Variants in MACROD2 observed in about 807,000 individuals in gnomAD.
MACROD2 encodes the protein mono-ADP ribosylhydrolase 2, also known as ADP-ribose glycohydrolase MACROD2.
Under a neutral mutation model 70.4 loss-of-function variants are expected in MACROD2, and 36 were observed. The observed-to-expected ratio is 0.51, with a 90% confidence interval of 0.39 to 0.68. MACROD2 has a LOEUF of 0.68. MACROD2 is among the 30% of genes least tolerant of loss of function. The pLI, the probability that MACROD2 is intolerant of heterozygous loss-of-function variation, is 0.00. For missense variants in MACROD2, 496 were observed against 538.4 expected, an observed-to-expected ratio of 0.92 and a Z score of 0.78; for synonymous variants, 172 against 178.8, an observed-to-expected ratio of 0.96 and a Z score of 0.30.
intron 8 of MACROD2, among the ~76,000 whole-genome samples, chr20:15,582,693 G>A (rs2048542036): frequency 6.6e-6 from 1 of 152,158 alleles, no homozygotes; most frequent in Non-Finnish European, 1.5e-5. Flanking sequence ...GTTCATGTAG[G>A]TAGTAGCCTT....
At chr20:15,850,308 G>A (rs1342357578) in intron 8 of MACROD2, among the ~76,000 whole-genome samples, 15 of 152,256 alleles carry the variant, frequency 9.9e-5, no homozygotes, top group South Asian at 4.1e-4. Flanking sequence ...ATCAACTCCC[G>A]TCAGTCTTTG....
intron 3 of MACROD2, among the ~76,000 whole-genome samples, chr20:14,144,469 G>A (rs536276317): frequency 5.8e-4 from 89 of 152,218 alleles, no homozygotes; most frequent in African/African-American, 2.0e-3. Context: ...CATATGGATT[G>A]ATTCACTTTT....
chr20:15,042,292 G>A (rs1235587168), intron 5 of MACROD2, among the ~76,000 whole-genome samples: 1 of 152,166 alleles, frequency 6.6e-6, no homozygotes, highest in Non-Finnish European at 1.5e-5. Flanking sequence ...GCCAAACAAG[G>A]CAGGAAAATG....
intron 5 of MACROD2, among the ~76,000 whole-genome samples, chr20:15,063,120 C>CA (rs2075545926): frequency 1.3e-5 from 2 of 151,976 alleles, no homozygotes; most frequent in African/African-American, 2.4e-5. Flanking sequence ...TTCATTCAGT[C>CA]AAAAAAGAGA....
At chr20:15,233,600 C>T (rs1195003277) in intron 6 of MACROD2, among the ~76,000 whole-genome samples, 1 of 151,960 alleles carries the variant, frequency 6.6e-6, no homozygotes, top group African/African-American at 2.4e-5. Flanking sequence ...AAATTCATTA[C>T]ATTTCTGTTC....
intron 3 of MACROD2, among the ~76,000 whole-genome samples, chr20:14,221,681 A>G (rs995360394): frequency 6.6e-6 from 1 of 152,216 alleles, no homozygotes; most frequent in African/African-American, 2.4e-5. Context: ...AGAAGTGATC[A>G]CCATAATGAA....
rs113154051 is a variant in MACROD2, at chr20:14,183,218, C to T, written c.271+97490C>T. 1.7e-3 allele frequency among the ~76,000 whole-genome samples: 257 copies of T among 151,604 alleles called. 1 individual carries two copies. The highest frequency in any genetic ancestry group is 5.9e-3 in the African/African-American group (243 of 41,366). On this transcript the variant is annotated intron_variant, in intron 3 of 17. Transcript: ENST00000684519. ...CTGATAGGCCCCAGTGTGTGTTGTT[C>T]CCCTCTATGGGTCCATATGTTCTCA...
At chr20:14,616,826 G>A (rs531821737) in intron 4 of MACROD2, among the ~76,000 whole-genome samples, 1 of 152,006 alleles carries the variant, frequency 6.6e-6, no homozygotes, top group Non-Finnish European at 1.5e-5. Context: ...TTTAAGAACA[G>A]CTTAAATGAG....
rs113939051 is a variant in MACROD2, at chr20:15,405,964, C to T, written c.541-25441C>T. On this transcript the variant is annotated intron_variant, in intron 6 of 17. Transcript: ENST00000684519. ...CTTCAGCGCTTCTTAGTGTCTGACA[C>T]GCAGTAAGGACTCAGTGAGGACATG... Among the ~76,000 whole-genome samples, 948 of 152,306 alleles carry T rather than the reference C, an allele frequency of 6.2e-3. 3 individuals are homozygous for T. The highest frequency in any genetic ancestry group is 0.01 in the Non-Finnish European group (705 of 68,020).
chr20:16,007,113 T>G (rs1568703723), intron 15 of MACROD2, among the ~76,000 whole-genome samples: 1 of 152,234 alleles, frequency 6.6e-6, no homozygotes, highest in African/African-American at 2.4e-5. Flanking sequence ...AATTTATTGC[T>G]GTCTGAAAAA....
chr20:15,601,417 A>G (rs2048818432), intron 8 of MACROD2, among the ~76,000 whole-genome samples: 1 of 152,158 alleles, frequency 6.6e-6, no homozygotes, highest in Non-Finnish European at 1.5e-5. Flanking sequence ...AGTGAACCTC[A>G]GCTGAAATGA....
At chr20:14,167,789 T>C (rs2081184600) in intron 3 of MACROD2, among the ~76,000 whole-genome samples, 1 of 152,216 alleles carries the variant, frequency 6.6e-6, no homozygotes, top group African/African-American at 2.4e-5. Context: ...ATACTTTCTA[T>C]GTATAAAATA....
At chr20:14,383,300 G>T (rs983915670) in intron 3 of MACROD2, among the ~76,000 whole-genome samples, 4 of 12,582 alleles carry the variant, frequency 3.2e-4, no homozygotes, top group Non-Finnish European at 1.3e-3. Flanking sequence ...TGTCATAACC[G>T]TTTTTTGTTT....
At chr20:15,661,034 A>C (rs1022045666) in intron 8 of MACROD2, among the ~76,000 whole-genome samples, 1 of 152,164 alleles carries the variant, frequency 6.6e-6, no homozygotes, top group East Asian at 1.9e-4. Context: ...ATGACACCAG[A>C]TTCCAACTGG....
chr20:15,821,333 A>G (rs1012811768), intron 8 of MACROD2, among the ~76,000 whole-genome samples: 5 of 151,946 alleles, frequency 3.3e-5, no homozygotes, highest in African/African-American at 1.2e-4. Flanking sequence ...CGCAGGACAT[A>G]TTACAAATTA....
intron 7 of MACROD2, among the ~76,000 whole-genome samples, chr20:15,486,019 T>C (rs2047158594): frequency 6.6e-6 from 1 of 152,172 alleles, no homozygotes. Context: ...TATAGCAATT[T>C]GGGGAGTTTA....
intron 8 of MACROD2, among the ~76,000 whole-genome samples, chr20:15,630,040 G>A (rs2049265751): frequency 6.6e-6 from 1 of 152,136 alleles, no homozygotes; most frequent in Non-Finnish European, 1.5e-5. Flanking sequence ...GATAACATAA[G>A]GAAGTCACTT....
intron 3 of MACROD2, among the ~76,000 whole-genome samples, chr20:14,464,118 C>T (rs887388879): frequency 5.3e-5 from 8 of 152,006 alleles, no homozygotes; most frequent in African/African-American, 1.5e-4. Context: ...GGTACCAGTT[C>T]CTCCTTGTAC....
intron 8 of MACROD2, among the ~76,000 whole-genome samples, chr20:15,543,212 C>G (rs528069452): frequency 6.6e-6 from 1 of 152,166 alleles, no homozygotes; most frequent in East Asian, 1.9e-4. Flanking sequence ...TCCACTAAAC[C>G]AGGTTCAAAT....
Sources: gnomAD v4.1 joint callset for allele counts (sites outside exome capture counted in the v4.1 genomes callset) on GRCh38, gnomAD v4.1.1 for gene constraint, MANE v1.5 for transcripts, NCBI Gene and HGNC (gene_info 2026-07-23, HGNC 2026-07-21) for gene names.